Variants in MAGI3 observed in about 807,000 individuals in gnomAD.
MAGI3 encodes the protein membrane-associated guanylate kinase, WW and PDZ domain-containing protein 3.
Under a neutral mutation model 121.8 loss-of-function variants are expected in MAGI3, and 43 were observed. The observed-to-expected ratio is 0.35, with a 90% CI of 0.28 to 0.46. MAGI3 has a LOEUF of 0.46. Among genes scored for constraint, MAGI3 ranks in the 20% least tolerant of loss-of-function variants. MAGI3 has a pLI of 1.00. For synonymous variants in MAGI3, 553 were observed against 639.3 expected, an observed-to-expected ratio of 0.86 and a Z score of 2.04; for missense variants, 1,547 against 1,797.3, an observed-to-expected ratio of 0.86 and a Z score of 2.52.
At chr1:113,644,782 C>T (rs887354409) in intron 11 of MAGI3, among the ~76,000 whole-genome samples, 4 of 152,186 alleles carry the variant, frequency 2.6e-5, no homozygotes, top group African/African-American at 9.7e-5. Context: ...ACAAGGTGCA[C>T]ATTTGTAGCT....
chr1:113,449,116 C>CAA (rs111501053), intron 1 of MAGI3, among the ~76,000 whole-genome samples: 4 of 73,344 alleles, frequency 5.5e-5, no homozygotes, highest in South Asian at 4.1e-4. Flanking sequence ...AACTTCATTT[C>CAA]AAAAAAAAAA....
At chr1:113,520,471 A>AT (rs1454577246) in intron 1 of MAGI3, among the ~76,000 whole-genome samples, 1 of 152,150 alleles carries the variant, frequency 6.6e-6, no homozygotes, top group Non-Finnish European at 1.5e-5. Flanking sequence ...GTCAAATTGT[A>AT]TTTTTTAAGA....
intron 6 of MAGI3, among the ~76,000 whole-genome samples, chr1:113,595,300 C>A (rs1648931671): frequency 6.6e-6 from 1 of 151,954 alleles, no homozygotes; most frequent in African/African-American, 2.4e-5. Flanking sequence ...GAGACCCTGT[C>A]TCTAAAAACT....
intron 1 of MAGI3, among the ~76,000 whole-genome samples, chr1:113,428,321 G>A (rs1024359845): frequency 2.6e-5 from 4 of 152,142 alleles, no homozygotes; most frequent in Admixed American, 2.6e-4. Context: ...TATTTATTAT[G>A]TGAGGGCTCA....
chr1:113,543,420 G>A (rs1659382866), intron 1 of MAGI3, among the ~76,000 whole-genome samples: 1 of 152,138 alleles, frequency 6.6e-6, no homozygotes, highest in Admixed American at 6.5e-5. Flanking sequence ...TTTTGACTGA[G>A]CCAAAATAAA....
rs12127512 is a variant in MAGI3 at position 113,678,145 on chromosome 1, G to T, written c.3190-3053G>T. Among the ~76,000 whole-genome samples the T allele has an allele frequency of 5.9e-3, 901 of 151,536 alleles. 4 individuals are homozygous for T. The highest frequency in any genetic ancestry group is 0.011 in the South Asian group (51 of 4,792). ...TTTTTTGCAGTTTATTGCAGGAAAAGAATAAAAAGTGTTCTGGGTTGGAGA... is the reference window on the plus strand; with the variant it reads ...TTTTTTGCAGTTTATTGCAGGAAAATAATAAAAAGTGTTCTGGGTTGGAGA... On this transcript the variant is annotated intron_variant, in intron 19 of 20. Transcript: ENST00000307546.
chr1:113,472,234 G>A (rs1332481846), intron 1 of MAGI3, among the ~76,000 whole-genome samples: 13 of 145,676 alleles, frequency 8.9e-5, no homozygotes, highest in East Asian at 8.0e-4. Context: ...ACAGAGTCTC[G>A]CTCTGTCACC....
chr1:113,565,178 T>A (rs1438251010), intron 2 of MAGI3, among the ~76,000 whole-genome samples: 1 of 152,032 alleles, frequency 6.6e-6, no homozygotes, highest in African/African-American at 2.4e-5. Flanking sequence ...GCACAAAGTA[T>A]CAATTGTTTT....
intron 1 of MAGI3, among the ~76,000 whole-genome samples, chr1:113,518,769 G>C (rs1658045495): frequency 6.6e-6 from 1 of 151,298 alleles, no homozygotes; most frequent in African/African-American, 2.4e-5. Context: ...GTCTCCATAG[G>C]GATCTTAAAT....
In MAGI3 at chr1:113,683,458, G is replaced by A. The variant is rs1371963219; in HGVS notation, c.3890G>A (p.Gly1297Glu). The stretch of plus-strand genomic sequence containing the variant: ...CCAAAAAAGCAGCAAAAAATTGAAG[G>A]AAGCAAAGCTCCATCAAATGCTGAG... ...ASPKKQQKIE[G>E]SKAPSNAEAK... Residue 1297 changes from glycine (G) to glutamate (E), a missense_variant, in exon 21 of 21, where the codon GGA becomes GAA. By Grantham distance (98) the Gly-to-Glu change is moderately conservative (BLOSUM62 -2). Coordinates refer to ENST00000307546, the MANE Select transcript of MAGI3 (RefSeq NM_001142782.2). 1.2e-6 allele frequency: 2 copies of A among 1,613,820 alleles called. No individual in the cohort carries two copies. The highest frequency in any genetic ancestry group is 2.7e-5 in the African/African-American group (2 of 74,906).
intron 1 of MAGI3, among the ~76,000 whole-genome samples, chr1:113,532,279 A>G (rs1402776321): frequency 6.6e-6 from 1 of 152,022 alleles, no homozygotes; most frequent in East Asian, 1.9e-4. Flanking sequence ...CTTTTATATT[A>G]TATATAAACA....
chr1:113,614,491 G>A, intron 6 of MAGI3, 110 bp from the exon 7 acceptor site: 1 of 837,656 alleles, frequency 1.2e-6, no homozygotes, highest in African/African-American at 1.7e-5. Flanking sequence ...TGAGCCCTCA[G>A]CTTTCTGACA....
chr1:113,419,897 C>G (rs1490325984), intron 1 of MAGI3, among the ~76,000 whole-genome samples: 1 of 152,110 alleles, frequency 6.6e-6, no homozygotes, highest in Non-Finnish European at 1.5e-5. Context: ...GGCTCATGGC[C>G]CCTTCTTCCA....
intron 9 of MAGI3, among the ~76,000 whole-genome samples, chr1:113,628,015 G>T (rs1434505159): frequency 1.3e-5 from 2 of 151,864 alleles, no homozygotes; most frequent in Non-Finnish European, 2.9e-5. Flanking sequence ...AGTCCATATG[G>T]ATTGAGTGTT....
intron 1 of MAGI3, among the ~76,000 whole-genome samples, chr1:113,477,051 T>C (rs1368477329): frequency 1.9e-5 from 2 of 103,118 alleles, no homozygotes; most frequent in African/African-American, 5.8e-5. Context: ...GCACCCCTGC[T>C]TTTTTTTTTT....
chr1:113,509,247 G>A lies in MAGI3; in HGVS notation c.317-40268G>A, dbSNP rs538414508. Among the ~76,000 whole-genome samples the A allele has an allele frequency of 1.3e-4, 20 of 151,876 alleles. No individual in the cohort carries two copies. The East Asian group carries it at 3.5e-3, about 26-fold the overall frequency. On this transcript the variant is annotated intron_variant, in intron 1 of 20. Transcript: ENST00000307546. ...AAAACCCCACTAACAACCCTAAAAT[G>A]AATGACTCCGTAGTTATTTTTACCT...
intron 1 of MAGI3, among the ~76,000 whole-genome samples, chr1:113,473,441 G>T (rs914830863): frequency 1.2e-4 from 10 of 86,804 alleles, no homozygotes; most frequent in Non-Finnish European, 1.5e-4. Flanking sequence ...ACAGGCCCCA[G>T]TTTGTGATGC....
At chr1:113,462,140 G>GA (rs1655067783) in intron 1 of MAGI3, among the ~76,000 whole-genome samples, 1 of 152,142 alleles carries the variant, frequency 6.6e-6, no homozygotes, top group South Asian at 2.1e-4. Context: ...AAGCATTGTG[G>GA]AAAGCTGTAT....
intron 1 of MAGI3, among the ~76,000 whole-genome samples, chr1:113,457,495 T>C (rs1393870376): frequency 6.6e-6 from 1 of 152,174 alleles, no homozygotes; most frequent in Non-Finnish European, 1.5e-5. Flanking sequence ...ATGGAGGTCA[T>C]GTGCTGCCCC....
Sources: allele counts gnomAD v4.1 joint callset (sites outside exome capture counted in the v4.1 genomes callset), GRCh38; gene constraint gnomAD v4.1.1; transcripts MANE v1.5; gene names NCBI Gene and HGNC (gene_info 2026-07-23, HGNC 2026-07-21).